GRIK4: variants seen among roughly 807,000 people sequenced by gnomAD.
GRIK4 encodes the protein glutamate receptor ionotropic, kainate 4.
A neutral mutation model predicts 104.9 loss-of-function variants in GRIK4; 40 were observed. The observed-to-expected ratio is 0.38, with a 90% CI of 0.30 to 0.50. GRIK4 has a LOEUF of 0.50. Ranked by LOEUF, GRIK4 falls within the 20% of genes least tolerant of loss-of-function variation. GRIK4 has a pLI of 0.93. For missense variants in GRIK4, 1,047 were observed against 1,308.1 expected (o/e 0.80, Z 3.08); for synonymous variants, 485 against 524.9 (o/e 0.92, Z 1.04).
At chr11:120,685,933 C>T (rs569001543) in intron 3 of GRIK4, among the ~76,000 whole-genome samples, 12 of 152,280 alleles carry the variant, frequency 7.9e-5, no homozygotes, top group African/African-American at 2.6e-4. Flanking sequence ...TCATCTGCAG[C>T]GCTACCTCTC....
At chr11:120,698,875 G>T (rs1001190208) in intron 3 of GRIK4, among the ~76,000 whole-genome samples, 1 of 152,198 alleles carries the variant, frequency 6.6e-6, no homozygotes, top group Non-Finnish European at 1.5e-5. Flanking sequence ...TCTATTTTTG[G>T]TGCATTAGAT....
chr11:120,750,860 G>T (rs1363021750), intron 3 of GRIK4, among the ~76,000 whole-genome samples: 1 of 152,180 alleles, frequency 6.6e-6, no homozygotes, highest in African/African-American at 2.4e-5. Context: ...AGTAGGCATT[G>T]TTACCCTCAT....
intron 3 of GRIK4, among the ~76,000 whole-genome samples, chr11:120,701,732 G>A (rs1222264521): frequency 6.6e-6 from 1 of 152,184 alleles, no homozygotes; most frequent in Non-Finnish European, 1.5e-5. Flanking sequence ...GATCACTCCA[G>A]TTGCTGCATT....
chr11:120,728,809 T>G (rs557183370), intron 3 of GRIK4, among the ~76,000 whole-genome samples: 3 of 152,102 alleles, frequency 2.0e-5, no homozygotes, highest in African/African-American at 7.2e-5. Flanking sequence ...TAAATTATTA[T>G]TGACTATAGT....
chr11:120,926,417 C>T (rs1192370613), intron 13 of GRIK4, among the ~76,000 whole-genome samples: 1 of 152,166 alleles, frequency 6.6e-6, no homozygotes, highest in Non-Finnish European at 1.5e-5. Context: ...ATGTTTCAGG[C>T]ACTGTTCTAA....
chr11:120,660,839 G>A (rs552659817), intron 3 of GRIK4, among the ~76,000 whole-genome samples: 6 of 152,254 alleles, frequency 3.9e-5, no homozygotes, highest in South Asian at 4.2e-4. Flanking sequence ...GTCTGCTGGC[G>A]TGGCCTGGCT....
chr11:120,614,219 G>T (rs1169532549), intron 1 of GRIK4, among the ~76,000 whole-genome samples: 2 of 152,200 alleles, frequency 1.3e-5, no homozygotes, highest in Non-Finnish European at 2.9e-5. Context: ...TTATGTGGTT[G>T]GTGGTCCTGG....
At chr11:120,536,111 G>A (rs1947971138) in intron 1 of GRIK4, among the ~76,000 whole-genome samples, 1 of 152,210 alleles carries the variant, frequency 6.6e-6, no homozygotes, top group Non-Finnish European at 1.5e-5. Context: ...AAGGTGAGAG[G>A]TGCCAAAAAT....
At chr11:120,954,939 G>A (rs543570333) in intron 15 of GRIK4, among the ~76,000 whole-genome samples, 5 of 152,200 alleles carry the variant, frequency 3.3e-5, no homozygotes, top group Admixed American at 2.0e-4. Flanking sequence ...GGGGTGGAAT[G>A]ACAAGAGGCT....
At chr11:120,837,650 C>T (rs1444592465) in intron 8 of GRIK4, among the ~76,000 whole-genome samples, 1 of 151,950 alleles carries the variant, frequency 6.6e-6, no homozygotes, top group Non-Finnish European at 1.5e-5. Flanking sequence ...CCCTCATGCC[C>T]CTCAAAACAT....
At chr11:120,653,588 C>G (rs1308631471) in intron 1 of GRIK4, 97 bp from the exon 2 acceptor site, 1 of 152,240 alleles carries the variant, frequency 6.6e-6, no homozygotes, top group African/African-American at 2.4e-5. Context: ...TAAATTCCTC[C>G]TCTTCAGTGA....
chr11:120,690,318 T>G (rs1950338267), intron 3 of GRIK4, among the ~76,000 whole-genome samples: 1 of 152,222 alleles, frequency 6.6e-6, no homozygotes, highest in Admixed American at 6.5e-5. Flanking sequence ...CCCTGCAGCT[T>G]GATGTTCGAG....
chr11:120,862,524 T>A (rs949389575), intron 9 of GRIK4, among the ~76,000 whole-genome samples: 1 of 152,146 alleles, frequency 6.6e-6, no homozygotes, highest in Non-Finnish European at 1.5e-5. Context: ...AGTGGGGATG[T>A]GGGGGTCTTG....
chr11:120,622,003 C>G (rs1053507715), intron 1 of GRIK4, among the ~76,000 whole-genome samples: 2 of 152,008 alleles, frequency 1.3e-5, no homozygotes, highest in Non-Finnish European at 2.9e-5. Context: ...TGGGTTCAAG[C>G]GATTCTCCTG....
chr11:120,955,569 G>C (rs1305367123), intron 15 of GRIK4, among the ~76,000 whole-genome samples: 1 of 152,220 alleles, frequency 6.6e-6, no homozygotes, highest in Non-Finnish European at 1.5e-5. Context: ...CTGGCGGGCA[G>C]GGGAAGAGCA....
intron 8 of GRIK4, among the ~76,000 whole-genome samples, chr11:120,837,068 G>A (rs556609670): frequency 6.6e-6 from 1 of 152,306 alleles, no homozygotes; most frequent in South Asian, 2.1e-4. Flanking sequence ...TTCAAATGCC[G>A]CTAGCTACAT....
intron 3 of GRIK4, among the ~76,000 whole-genome samples, chr11:120,681,420 C>T (rs1205006223): frequency 2.0e-5 from 3 of 152,160 alleles, no homozygotes; most frequent in South Asian, 2.1e-4. Flanking sequence ...TCCTCTCTCT[C>T]GAGGCTGCAA....
chr11:120,890,003 T>C lies in GRIK4; in HGVS notation c.1165-8529T>C, dbSNP rs182291428. On this transcript the variant is annotated intron_variant, in intron 11 of 20. Transcript: ENST00000527524. ...AAGGGAAGGGGAGCTATTTTTATCT[T>C]ATAGGTAGCAAAATCAACTTCCCAA... Among the ~76,000 whole-genome samples the C allele has an allele frequency of 5.6e-3, 849 of 152,244 alleles. 4 individuals carry two copies. The highest frequency in any genetic ancestry group is 9.1e-3 in the Non-Finnish European group (617 of 68,010).
chr11:120,631,091 A>T (rs938180726), intron 1 of GRIK4, among the ~76,000 whole-genome samples: 8 of 152,210 alleles, frequency 5.3e-5, no homozygotes, highest in Non-Finnish European at 1.5e-5. Context: ...TTTCGGGGAT[A>T]TTGTGAGAAT....
Sources: allele counts gnomAD v4.1 joint callset (sites outside exome capture counted in the v4.1 genomes callset), GRCh38; gene constraint gnomAD v4.1.1; transcripts MANE v1.5; gene names NCBI Gene and HGNC (gene_info 2026-07-23, HGNC 2026-07-21).